FAT3: variants seen among roughly 807,000 people sequenced by gnomAD.
The protein encoded by FAT3 is protocadherin Fat 3.
A neutral mutation model predicts 310.2 loss-of-function variants in FAT3; 95 were observed. The observed-to-expected ratio is 0.31, with a 90% CI of 0.26 to 0.36. The LOEUF is 0.36. FAT3 is among the 10% of genes least tolerant of loss of function. FAT3 has a pLI of 1.00. For synonymous variants in FAT3, 2,314 were observed against 2,192.9 expected (o/e 1.06, Z -1.54); for missense variants, 5,408 against 5,715.6 (o/e 0.95, Z 1.74).
At chr11:92,285,264 A>C (rs1946531950) in intron 1 of FAT3, among the ~76,000 whole-genome samples, 1 of 128,146 alleles carries the variant, frequency 7.8e-6, no homozygotes, top group Non-Finnish European at 1.6e-5. Context: ...AGCTAAGATT[A>C]CAACTTCTAA....
chr11:92,778,777 C>A (rs912532516), intron 7 of FAT3, among the ~76,000 whole-genome samples: 1 of 152,054 alleles, frequency 6.6e-6, no homozygotes, highest in Non-Finnish European at 1.5e-5. Flanking sequence ...CATATGCACA[C>A]ACCTGGGGGG....
At chr11:92,559,490 T>C in intron 3 of FAT3, 1 of 376,006 alleles carries the variant, frequency 2.7e-6, no homozygotes, top group Non-Finnish European at 5.4e-6. Flanking sequence ...ATTCAAGGGA[T>C]ACCCCTGCCT....
chr11:92,693,439 G>A (rs1172869743), intron 3 of FAT3, among the ~76,000 whole-genome samples: 1 of 152,178 alleles, frequency 6.6e-6, no homozygotes, highest in African/African-American at 2.4e-5. Flanking sequence ...TGGTTGAGGA[G>A]GGAGGTTGCT....
chr11:92,509,043 C>T (rs1451187898), intron 2 of FAT3, among the ~76,000 whole-genome samples: 1 of 152,160 alleles, frequency 6.6e-6, no homozygotes, highest in Non-Finnish European at 1.5e-5. Flanking sequence ...TCAACATCAA[C>T]ATCAATGATG....
intron 3 of FAT3, among the ~76,000 whole-genome samples, chr11:92,552,550 A>G (rs1331762558): frequency 6.6e-6 from 1 of 152,128 alleles, no homozygotes; most frequent in Non-Finnish European, 1.5e-5. Flanking sequence ...TTCTGTTGAG[A>G]GAGAGGGAAA....
At chr11:92,878,654 A>C (rs1949594732) in intron 22 of FAT3, among the ~76,000 whole-genome samples, 1 of 132,562 alleles carries the variant, frequency 7.5e-6, no homozygotes, top group Non-Finnish European at 1.5e-5. Context: ...AAAAAAAAAA[A>C]AAAAAAAAAA....
chr11:92,368,346 C>A (rs1325422506), intron 2 of FAT3, among the ~76,000 whole-genome samples: 1 of 152,094 alleles, frequency 6.6e-6, no homozygotes, highest in Non-Finnish European at 1.5e-5. Flanking sequence ...TTTGGAAAAA[C>A]TTCTATCAAG....
In FAT3 at chr11:92,800,105, C is replaced by T; in HGVS notation, c.7092C>T (p.Val2364=). The T allele has an allele frequency of 6.2e-7, 1 of 1,613,952 alleles. No homozygotes were observed. Among genetic ancestry groups the T allele is most frequent in the Non-Finnish European group, 8.5e-7 (1 of 1,179,872 alleles). ...HELVQHCTLK[V]RSIDSGFPSL... is the part of the protein sequence containing the mutation. ...TAGTACAACACTGCACTTTGAAAGT[C>T]AGATCAATAGATAGTGGCTTCCCAT... The change falls in exon 10 of 28, where the codon GTC becomes GTT. Residue 2364 remains valine (V), a synonymous_variant. Coordinates refer to ENST00000525166, the MANE Select transcript of FAT3 (RefSeq NM_001367949.2).
intron 1 of FAT3, among the ~76,000 whole-genome samples, chr11:92,236,361 G>A (rs1043441681): frequency 9.2e-5 from 14 of 152,216 alleles, no homozygotes; most frequent in African/African-American, 2.6e-4. Flanking sequence ...AAAAATGCAA[G>A]TCTTGTAAAA....
chr11:92,779,905 A>G (rs1399396141), intron 7 of FAT3, among the ~76,000 whole-genome samples: 1 of 152,162 alleles, frequency 6.6e-6, no homozygotes, highest in African/African-American at 2.4e-5. Context: ...GCAACATGAC[A>G]AGGAATTAAC....
chr11:92,524,740 G>C lies in FAT3; in HGVS notation c.3399G>C (p.Glu1133Asp). Reference sequence around the variant, plus strand: ...TTGTTCCACTCTACTCCACCATTGAGGTCTACATTGAAGTTGAAGATGTGA... The same window carrying C: ...TTGTTCCACTCTACTCCACCATTGACGTCTACATTGAAGTTGAAGATGTGA... ...RGVVPLYSTI[E>D]VYIEVEDVND... The change falls in exon 3 of 28, where the codon GAG (glutamate) becomes GAC (aspartate). Residue 1133 changes from glutamate to aspartate, a missense_variant. Glu to Asp is a conservative substitution (Grantham distance 45). Around this residue, in one of 5 missense-constraint regions of FAT3, gnomAD observed 4,588 missense variants for 4,809.8 expected, o/e 0.95. Coordinates refer to ENST00000525166, the MANE Select transcript of FAT3 (RefSeq NM_001367949.2). 1.2e-6 allele frequency: 2 copies of C among 1,613,702 alleles called. No homozygotes were observed. Among genetic ancestry groups the C allele is most frequent in the Non-Finnish European group, 1.7e-6 (2 of 1,179,820 alleles).
At chr11:92,743,101 C>T (rs1334390600) in intron 4 of FAT3, among the ~76,000 whole-genome samples, 6 of 152,156 alleles carry the variant, frequency 3.9e-5, no homozygotes, top group Admixed American at 6.5e-5. Flanking sequence ...AAATATGTTT[C>T]GGAAACACTG....
intron 1 of FAT3, among the ~76,000 whole-genome samples, chr11:92,282,710 A>G (rs1424770013): frequency 6.6e-6 from 1 of 152,116 alleles, no homozygotes; most frequent in African/African-American, 2.4e-5. Context: ...ATTTATGTCA[A>G]TTAAAATTGT....
At chr11:92,538,360 G>C (rs561801767) in intron 3 of FAT3, among the ~76,000 whole-genome samples, 71 of 152,128 alleles carry the variant, frequency 4.7e-4, no homozygotes, top group Middle Eastern at 6.8e-3. Context: ...TACCCATAAG[G>C]CAATAGCCAA....
chr11:92,780,998 A>G (rs927063539), intron 7 of FAT3, among the ~76,000 whole-genome samples: 1 of 152,044 alleles, frequency 6.6e-6, no homozygotes, highest in Non-Finnish European at 1.5e-5. Flanking sequence ...GGATGAAAAT[A>G]CATAGTAATA....
chr11:92,302,445 A>G (rs372958097), intron 1 of FAT3, among the ~76,000 whole-genome samples: 1 of 152,182 alleles, frequency 6.6e-6, no homozygotes. Context: ...CTTGCCATTC[A>G]AAAGGTTGTT....
At chr11:92,378,618 T>C (rs1230936558) in intron 2 of FAT3, among the ~76,000 whole-genome samples, 3 of 152,222 alleles carry the variant, frequency 2.0e-5, no homozygotes, top group Non-Finnish European at 4.4e-5. Flanking sequence ...TCTCCGAATT[T>C]TTATTTTATA....
intron 2 of FAT3, among the ~76,000 whole-genome samples, chr11:92,475,569 A>G (rs951194329): frequency 6.6e-6 from 1 of 152,074 alleles, no homozygotes; most frequent in African/African-American, 2.4e-5. Context: ...GGAAGGCTTC[A>G]GTTTCTAACA....
intron 2 of FAT3, among the ~76,000 whole-genome samples, chr11:92,468,819 C>T (rs551107682): frequency 3.9e-5 from 6 of 152,128 alleles, no homozygotes; most frequent in Non-Finnish European, 5.9e-5. Flanking sequence ...TGGAGGTAAG[C>T]GCCCCCATGA....
Sources: gnomAD v4.1 joint callset for allele counts (sites outside exome capture counted in the v4.1 genomes callset) on GRCh38, gnomAD v4.1.1 for gene constraint, gnomAD v4.1.1 regional missense constraint, MANE v1.5 for transcripts, NCBI Gene and HGNC (gene_info 2026-07-23, HGNC 2026-07-21) for gene names.